The following DAZL variants were observed in gnomAD, a reference collection of about 807,000 sequenced individuals.
The protein encoded by DAZL is deleted in azoospermia like.
Under a neutral mutation model 45.0 loss-of-function variants are expected in DAZL, and 4 were observed. The ratio of observed to expected loss-of-function variants is 0.09; its 90% confidence interval spans 0.04 to 0.20. DAZL has a LOEUF of 0.20. Among genes scored for constraint, DAZL ranks in the 10% least tolerant of loss-of-function variants. The pLI is 1.00. For synonymous variants in DAZL, 122 were observed against 112.4 expected (o/e 1.09, Z -0.54); for missense variants, 326 against 351.3 (o/e 0.93, Z 0.58).
intron 1 of DAZL, among the ~76,000 whole-genome samples, chr3:16,599,184 T>TAA (rs111790325): frequency 2.0e-5 from 3 of 146,500 alleles, no homozygotes; most frequent in African/African-American, 7.5e-5. Context: ...GTGAATTACT[T>TAA]AAAAAAAAAA....
chr3:16,589,983 AG>A (rs1281207071), intron 10 of DAZL, among the ~76,000 whole-genome samples: 1 of 152,154 alleles, frequency 6.6e-6, no homozygotes, highest in Non-Finnish European at 1.5e-5. Flanking sequence ...CTGAGGCAGA[AG>A]GATCCCTTGC....
At chr3:16,604,994 G>A (rs1694755820) in intron 1 of DAZL, among the ~76,000 whole-genome samples, 1 of 152,220 alleles carries the variant, frequency 6.6e-6, no homozygotes, top group African/African-American at 2.4e-5. Context: ...TGCCGCCCTT[G>A]GCGTCCCGCG....
intron 9 of DAZL, among the ~76,000 whole-genome samples, chr3:16,592,575 A>G (rs78382573): frequency 0.22 from 32,483 of 147,972 alleles, 4,053 homozygotes; most frequent in Non-Finnish European, 0.3. Flanking sequence ...TCTTGGGGAA[A>G]AAAAAAAAAA....
intron 1 of DAZL, among the ~76,000 whole-genome samples, chr3:16,598,895 T>C (rs1203527059): frequency 6.6e-6 from 1 of 151,918 alleles, no homozygotes; most frequent in Non-Finnish European, 1.5e-5. Flanking sequence ...GCGATTCTCC[T>C]GCCTCAGCCT....
chr3:16,598,150 A>G lies in DAZL; in HGVS notation c.179T>C (p.Phe60Ser), dbSNP rs1226715774. The G allele has an allele frequency of 1.2e-6, 2 of 1,600,102 alleles. No homozygotes were observed. Among genetic ancestry groups the G allele is most frequent in the South Asian group, 2.2e-5 (2 of 90,916 alleles). The change falls in exon 3 of 11, where the codon TTT becomes TCT. Residue 60 changes from phenylalanine to serine, a missense_variant. Coordinates refer to ENST00000399444, the MANE Select transcript of DAZL (RefSeq NM_001351.4). ...TTCTTTCACTGAACCATATCTAGCA[A>G]AGAAGCTTCTAATCTCAGTTTCATC... ...RMDETEIRSF[F>S]ARYGSVKEVK...
intron 4 of DAZL, 144 bp from the exon 5 acceptor site, chr3:16,597,195 G>T: frequency 8.9e-7 from 1 of 1,119,498 alleles, no homozygotes; most frequent in Non-Finnish European, 1.3e-6. Flanking sequence ...TTGTCATCAT[G>T]AAGCTACCTT....
rs1055772916 is a variant in DAZL, at chr3:16,598,193, T to C, written c.151-15A>G. The stretch of plus-strand genomic sequence containing the variant: ...GTTTCATCCATCTATGGAAAAGAAT[T>C]GAACTTCAAGAGTAAAAATTCAGCA... On this transcript the variant is annotated splice_polypyrimidine_tract_variant and intron_variant, in intron 2 of 10. Transcript: ENST00000399444. The C allele has an allele frequency of 1.1e-5, 18 of 1,571,194 alleles. No homozygotes were observed. Among genetic ancestry groups the C allele is most frequent in the Non-Finnish European group, 1.6e-5 (18 of 1,144,292 alleles).
At chr3:16,604,935 C>T in intron 1 of DAZL, 4 of 685,482 alleles carry the variant, frequency 5.8e-6, no homozygotes, top group South Asian at 5.5e-5. Context: ...GGCCGTGGCC[C>T]TTGCACGTGG....
rs1694453173 is a variant in DAZL, at chr3:16,587,375, C to T, written c.*1285G>A. On this transcript the variant is annotated 3_prime_UTR_variant, in exon 11 of 11. Transcript: ENST00000399444. ...AAATGGTACTGATACAACTTTTTCC[C>T]TTAGAAAGGTATTATATCCCATTGC... The T allele has an allele frequency of 6.6e-6, 1 of 152,386 alleles. No homozygotes were observed. Among genetic ancestry groups the T allele is most frequent in the African/African-American group, 2.4e-5 (1 of 41,442 alleles). The allele number at this position is 152,386 out of a possible 1,614,324, so 9.4% of individuals were successfully genotyped here.
At chr3:16,589,651 G>A (rs1185231077) in intron 10 of DAZL, among the ~76,000 whole-genome samples, 2 of 152,126 alleles carry the variant, frequency 1.3e-5, no homozygotes, top group East Asian at 1.9e-4. Flanking sequence ...ATCAAAATAG[G>A]TCTAGATGTC....
In DAZL at chr3:16,595,346, T is replaced by C. The variant is rs1406652313; in HGVS notation, c.538A>G (p.Thr180Ala). ...TYPNSPVQVI[T>A]GYQLPVYNYQ... is the part of the protein sequence containing the mutation. ...TTATATACAGGCAACTGATATCCAG[T>C]GATGACCTGAACTGGTGAATTTGGG... Residue 180 changes from threonine to alanine, a missense_variant, in exon 7 of 11, where the codon ACT (threonine) becomes GCT (alanine). By Grantham distance (58) the Thr-to-Ala change is moderately conservative (BLOSUM62 0). Around this residue, in one of 3 missense-constraint regions of DAZL, gnomAD observed 227 missense variants for 216.6 expected, o/e 1.05. Coordinates refer to ENST00000399444, the MANE Select transcript of DAZL (RefSeq NM_001351.4). The C allele has an allele frequency of 3.2e-6, 5 of 1,579,368 alleles. No individual in the cohort carries two copies. The Admixed American group carries it at 5.2e-5, about 16-fold the overall frequency.
chr3:16,602,414 T>C (rs1694704832), intron 1 of DAZL, among the ~76,000 whole-genome samples: 2 of 152,174 alleles, frequency 1.3e-5, no homozygotes, highest in African/African-American at 2.4e-5. Context: ...CTTGGGTGTA[T>C]GTTTGTGTCA....
chr3:16,595,680 C>G (rs1194514931), intron 6 of DAZL, among the ~76,000 whole-genome samples: 1 of 151,894 alleles, frequency 6.6e-6, no homozygotes, highest in Non-Finnish European at 1.5e-5. Context: ...ATTTTTTATA[C>G]TGGTGATAAG....
At chr3:16,604,708 C>G in intron 1 of DAZL, 3 of 1,361,250 alleles carry the variant, frequency 2.2e-6, no homozygotes, top group Non-Finnish European at 1.9e-6. Context: ...AGGCAAGTCC[C>G]TCAGCAGGCC....
intron 1 of DAZL, among the ~76,000 whole-genome samples, chr3:16,599,485 G>A (rs1408720390): frequency 6.6e-6 from 1 of 152,128 alleles, no homozygotes; most frequent in East Asian, 1.9e-4. Context: ...TTGCTCACAT[G>A]TCACAGCTCC....
chr3:16,597,566 T>C (rs1234403948), intron 3 of DAZL, 25 bp from the exon 4 acceptor site: 1 of 1,433,960 alleles, frequency 7.0e-7, no homozygotes, highest in South Asian at 1.1e-5. Context: ...AAATGAAGTA[T>C]AAAATCACCA....
chr3:16,602,044 T>C (rs921993059), intron 1 of DAZL, among the ~76,000 whole-genome samples: 2 of 151,982 alleles, frequency 1.3e-5, no homozygotes, highest in East Asian at 3.9e-4. Flanking sequence ...ATAAAGAGAA[T>C]GCTAAAATTA....
intron 4 of DAZL, 58 bp from the exon 5 acceptor site, chr3:16,597,109 TTGGA>T (rs1204071262): frequency 3.4e-5 from 52 of 1,523,312 alleles, no homozygotes; most frequent in Middle Eastern, 2.3e-4. Flanking sequence ...CTTCCAAGAC[TTGGA>T]TGAACACCTA....
At chr3:16,591,430 T>C (rs1221823697) in intron 10 of DAZL, among the ~76,000 whole-genome samples, 2 of 136,706 alleles carry the variant, frequency 1.5e-5, no homozygotes, top group African/African-American at 3.0e-5. Context: ...CCAATATGCA[T>C]GTATTTTTTT....
Sources: gnomAD v4.1 joint callset for allele counts (sites outside exome capture counted in the v4.1 genomes callset) on GRCh38, gnomAD v4.1.1 for gene constraint, gnomAD v4.1.1 regional missense constraint, MANE v1.5 for transcripts, NCBI Gene and HGNC (gene_info 2026-07-23, HGNC 2026-07-21) for gene names.